Variants in ACAD10 observed in about 807,000 individuals in gnomAD.
ACAD10 encodes ACAD-10.
Under a neutral mutation model 116.8 loss-of-function variants are expected in ACAD10, and 112 were observed. The observed-to-expected ratio is 0.96, with a 90% CI of 0.82 to 1.12. ACAD10 has a LOEUF of 1.12. Ranked by LOEUF, ACAD10 falls within the 50% of genes most tolerant of loss-of-function variation. ACAD10 has a pLI of 0.00. For missense variants in ACAD10, 1,259 were observed against 1,350.2 expected, an observed-to-expected ratio of 0.93 and a Z score of 1.06; for synonymous variants, 486 against 510.6, an observed-to-expected ratio of 0.95 and a Z score of 0.65.
At chr12:111,734,870 A>G (rs1024446583) in intron 11 of ACAD10, among the ~76,000 whole-genome samples, 1 of 152,204 alleles carries the variant, frequency 6.6e-6, no homozygotes, top group Non-Finnish European at 1.5e-5. Context: ...TTTTCATGAC[A>G]TTAAGTATTT....
At chr12:111,747,916 A>G (rs990742631) in intron 16 of ACAD10, among the ~76,000 whole-genome samples, 1 of 152,138 alleles carries the variant, frequency 6.6e-6, no homozygotes, top group African/African-American at 2.4e-5. Context: ...TGCCTGGGGT[A>G]TGAGCCCCCA....
intron 16 of ACAD10, 73 bp downstream of exon 16, chr12:111,747,458 T>A: frequency 6.3e-7 from 1 of 1,595,020 alleles, no homozygotes. Context: ...TCTCAATGCC[T>A]GGGAGGAGCC....
intron 10 of ACAD10, among the ~76,000 whole-genome samples, chr12:111,733,559 A>G (rs1369428978): frequency 6.6e-6 from 1 of 152,188 alleles, no homozygotes; most frequent in East Asian, 1.9e-4. Flanking sequence ...TGGGCCAAGC[A>G]TTAGACTCTA....
At chr12:111,747,738 C>T in intron 16 of ACAD10, 1 of 1,099,514 alleles carries the variant, frequency 9.1e-7, no homozygotes, top group Non-Finnish European at 1.1e-6. Flanking sequence ...GTGTTACATC[C>T]TAAGGGCTAA....
intron 7 of ACAD10, among the ~76,000 whole-genome samples, chr12:111,720,568 T>C (rs1301426805): frequency 1.3e-5 from 2 of 152,228 alleles, no homozygotes; most frequent in Non-Finnish European, 2.9e-5. Flanking sequence ...TGGTACACTG[T>C]CGTAAAGGCT....
chr12:111,696,803 C>G (rs116916998), intron 2 of ACAD10, among the ~76,000 whole-genome samples: 1 of 152,060 alleles, frequency 6.6e-6, no homozygotes, highest in African/African-American at 2.4e-5. Flanking sequence ...GAATTTAGGC[C>G]GGGCACAGTA....
At chr12:111,751,506 G>A (rs1302624194) in intron 18 of ACAD10, among the ~76,000 whole-genome samples, 1 of 151,496 alleles carries the variant, frequency 6.6e-6, no homozygotes, top group Non-Finnish European at 1.5e-5. Context: ...TGAGGTGGGC[G>A]GATCACTTCA....
intron 1 of ACAD10, among the ~76,000 whole-genome samples, chr12:111,690,222 C>T (rs754999701): frequency 1.3e-5 from 2 of 151,980 alleles, no homozygotes; most frequent in Non-Finnish European, 2.9e-5. Context: ...GATATATCTG[C>T]GTATATATAA....
At chr12:111,726,968 G>A (rs1021798285) in intron 8 of ACAD10, among the ~76,000 whole-genome samples, 2 of 152,090 alleles carry the variant, frequency 1.3e-5, no homozygotes, top group African/African-American at 2.4e-5. Flanking sequence ...GCTCACACAC[G>A]TAATCCCAAC....
At chr12:111,732,157 A>G (rs927831417) in intron 10 of ACAD10, among the ~76,000 whole-genome samples, 5 of 152,322 alleles carry the variant, frequency 3.3e-5, no homozygotes, top group South Asian at 2.1e-4. Context: ...CGTTTCTTGT[A>G]AAGAAGCATC....
chr12:111,747,124 C>T lies in ACAD10; in HGVS notation c.2332C>T (p.Arg778Cys), dbSNP rs190926321. The T allele has an allele frequency of 1.1e-4, 172 of 1,613,378 alleles. No individual in the cohort carries two copies. In the South Asian group the frequency reaches 1.4e-3, roughly 13 times the overall value. ...VRYGTEAQKA[R>C]WLIPLLEGKA... ...GTATGGCACCGAAGCGCAGAAGGCT[C>T]GCTGGCTGATTCCTCTGCTGGAGGG... The change falls in exon 15 of 21, where the codon CGC becomes TGC. Residue 778 changes from arginine (R) to cysteine (C), a missense_variant. Coordinates refer to ENST00000313698, the MANE Select transcript of ACAD10 (RefSeq NM_025247.6).
At chr12:111,695,840 C>A (rs1400167473) in intron 2 of ACAD10, among the ~76,000 whole-genome samples, 1 of 151,832 alleles carries the variant, frequency 6.6e-6, no homozygotes, top group Non-Finnish European at 1.5e-5. Context: ...ATGGCAAAAT[C>A]CAATCTCTAC....
intron 2 of ACAD10, among the ~76,000 whole-genome samples, chr12:111,701,430 G>A (rs1399034706): frequency 1.2e-5 from 1 of 83,608 alleles, no homozygotes; most frequent in African/African-American, 6.7e-5. Flanking sequence ...GAGGCCCGAG[G>A]CAGGCAGGCA....
intron 3 of ACAD10, among the ~76,000 whole-genome samples, chr12:111,703,766 G>C (rs847892): frequency 6.6e-6 from 1 of 151,746 alleles, no homozygotes; most frequent in South Asian, 2.1e-4. Flanking sequence ...TGAATCTGGG[G>C]GGCAGAGGTT....
At chr12:111,694,100 C>T (rs1888130333) in intron 2 of ACAD10, among the ~76,000 whole-genome samples, 1 of 152,196 alleles carries the variant, frequency 6.6e-6, no homozygotes, top group Admixed American at 6.5e-5. Flanking sequence ...GCCAGTTCTC[C>T]ATCCTAAATC....
intron 6 of ACAD10, 99 bp downstream of exon 6, chr12:111,712,756 G>A: frequency 2.9e-6 from 4 of 1,371,604 alleles, no homozygotes; most frequent in Non-Finnish European, 4.0e-6. Context: ...TGGAGACAAA[G>A]AAGCTTTACA....
intron 19 of ACAD10, 72 bp from the exon 20 acceptor site, chr12:111,755,596 G>A: frequency 1.8e-6 from 2 of 1,120,894 alleles, no homozygotes; most frequent in Non-Finnish European, 2.7e-6. Context: ...AGAGATGGGG[G>A]ACGGGGGGGC....
At chr12:111,751,970 A>G (rs1332381628) in intron 18 of ACAD10, among the ~76,000 whole-genome samples, 2 of 151,818 alleles carry the variant, frequency 1.3e-5, no homozygotes, top group African/African-American at 4.8e-5. Context: ...AGGCAGGAGA[A>G]TCGCCTGAAC....
chr12:111,695,911 G>A (rs931671781), intron 2 of ACAD10, among the ~76,000 whole-genome samples: 1 of 151,730 alleles, frequency 6.6e-6, no homozygotes, highest in African/African-American at 2.4e-5. Flanking sequence ...CTACTCTGGA[G>A]GCTGAGCAGG....
Sources: gnomAD v4.1 joint callset for allele counts (sites outside exome capture counted in the v4.1 genomes callset) on GRCh38, gnomAD v4.1.1 for gene constraint, MANE v1.5 for transcripts, NCBI Gene and HGNC (gene_info 2026-07-23, HGNC 2026-07-21) for gene names.